Variants in NOS3 observed in about 807,000 individuals in gnomAD.
The protein encoded by NOS3 is nitric oxide synthase 3, also known as NOS type III.
NOS3 carries 98 observed loss-of-function variants against 144.9 expected under a neutral mutation model. That is an observed-to-expected ratio of 0.68 (90% confidence interval 0.57 to 0.80). NOS3 has a LOEUF of 0.80. Ranked by LOEUF, NOS3 falls within the 30% of genes least tolerant of loss-of-function variation. The probability of loss-of-function intolerance (pLI) is 0.00; values close to 1 mark genes in which losing one functional copy is unlikely to be tolerated. For missense variants in NOS3, 1,465 were observed against 1,656.4 expected (o/e 0.88, Z 2.01); for synonymous variants, 714 against 702.4 (o/e 1.02, Z -0.26).
chr7:151,006,523 G>C, intron 15 of NOS3, 29 bp downstream of exon 15: 5 of 1,582,136 alleles, frequency 3.2e-6, no homozygotes, highest in African/African-American at 1.3e-5. Context: ...TGGGGGAGCT[G>C]GGGGAGCTGA....
At chr7:151,000,177 G>T (rs991076632) in intron 9 of NOS3, among the ~76,000 whole-genome samples, 87 of 151,854 alleles carry the variant, frequency 5.7e-4, no homozygotes, top group African/African-American at 2.0e-3. Context: ...ACATGTAGTT[G>T]TTCTTTCAGG....
intron 21 of NOS3, 78 bp from the exon 22 acceptor site, chr7:151,010,519 C>T: frequency 7.3e-7 from 1 of 1,370,808 alleles, no homozygotes; most frequent in Non-Finnish European, 9.9e-7. Context: ...TAAAGAGGCT[C>T]AGTGGGGGAG....
In NOS3 at chr7:151,006,429, C is replaced by T. The variant is rs755029801; in HGVS notation, c.1755C>T (p.Ser585=). 3 of 1,613,592 alleles carry T rather than the reference C, an allele frequency of 1.9e-6. No homozygotes were observed. The highest frequency in any genetic ancestry group is 2.2e-5 in the East Asian group (1 of 44,894). ...GNGDPPENGE[S]FAAALMEMSG... is the part of the protein sequence containing the mutation. ...GATGCAAACACTCCCCTCGCCAGAGCTTTGCAGCTGCCCTGATGGAGATGT... is the reference window on the plus strand; with the variant it reads ...GATGCAAACACTCCCCTCGCCAGAGTTTTGCAGCTGCCCTGATGGAGATGT... The change falls in exon 15 of 27, where the codon AGC becomes AGT. Residue 585 remains serine, a splice_region_variant and synonymous_variant. Coordinates refer to ENST00000297494, the MANE Select transcript of NOS3 (RefSeq NM_000603.5).
rs1266365289 is a variant in NOS3 at position 151,000,558 on chromosome 7, G to A, written c.1192G>A (p.Ala398Thr). The A allele has an allele frequency of 1.9e-6, 3 of 1,613,646 alleles. No individual in the cohort carries two copies. The South Asian group carries it at 3.3e-5, about 18-fold the overall frequency. ...RTTSSLWKDKAAVEINVAVLH... is the reference protein window; with the variant it reads ...RTTSSLWKDKTAVEINVAVLH... ...CACCTCGTCCCTGTGGAAAGACAAG[G>A]CAGCAGTGGAAATCAACGTGGCCGT... Residue 398 changes from alanine to threonine, a missense_variant, in exon 10 of 27, where the codon GCA (alanine) becomes ACA (threonine). Around this residue, in one of 5 missense-constraint regions of NOS3, gnomAD observed 745 missense variants for 853.9 expected, o/e 0.87. Coordinates refer to ENST00000297494, the MANE Select transcript of NOS3 (RefSeq NM_000603.5).
chr7:150,995,123 A>T, intron 2 of NOS3, 80 bp from the exon 3 acceptor site: 1 of 755,008 alleles, frequency 1.3e-6, no homozygotes, highest in Non-Finnish European at 2.2e-6. Context: ...CAGTGCTGTA[A>T]CAGGGGCCTC....
intron 1 of NOS3, among the ~76,000 whole-genome samples, chr7:150,992,416 G>C (rs1802272375): frequency 6.6e-6 from 1 of 152,168 alleles, no homozygotes. Flanking sequence ...GGGGCCTCAG[G>C]CTTGGGGTCA....
intron 9 of NOS3, 43 bp from the exon 10 acceptor site, chr7:151,000,455 A>T (rs370319175): frequency 3.2e-6 from 4 of 1,249,778 alleles, no homozygotes; most frequent in Non-Finnish European, 4.7e-6. Context: ...CACCCCCGTG[A>T]TCACCTCTGT....
In NOS3 at chr7:151,014,179, G is replaced by A; in HGVS notation, c.*10G>A. 2 of 1,592,566 alleles carry A rather than the reference G, an allele frequency of 1.3e-6. No homozygotes were observed. Among genetic ancestry groups the A allele is most frequent in the South Asian group, 2.2e-5 (2 of 90,454 alleles). Reference sequence around the variant, plus strand: ...CACCAACAGCCCCTGAGAGCCGCCTGGCTTTCCCTTCCAGTTCCGGGAGAG... The same window carrying A: ...CACCAACAGCCCCTGAGAGCCGCCTAGCTTTCCCTTCCAGTTCCGGGAGAG... On this transcript the variant is annotated 3_prime_UTR_variant, in exon 27 of 27. Transcript: ENST00000297494.
intron 14 of NOS3, among the ~76,000 whole-genome samples, chr7:151,005,773 G>A (rs1489809669): frequency 6.6e-6 from 1 of 152,216 alleles, no homozygotes; most frequent in Non-Finnish European, 1.5e-5. Context: ...TAAAAAGACT[G>A]AGGTCATGTT....
chr7:151,009,048 T>C lies in NOS3; in HGVS notation c.2231T>C (p.Leu744Pro). ...CGGCTGAGCGCCCAGGCCGAGGGCCTGCAGTTGCTGCCAGGTGGGCCCTGC... is the reference window on the plus strand; with the variant it reads ...CGGCTGAGCGCCCAGGCCGAGGGCCCGCAGTTGCTGCCAGGTGGGCCCTGC... ...RYRLSAQAEGLQLLPGLIHVH... is the reference protein window; with the variant it reads ...RYRLSAQAEGPQLLPGLIHVH... The change falls in exon 18 of 27, where the codon CTG (leucine) becomes CCG (proline). Residue 744 changes from leucine to proline, a missense_variant. Transcript: ENST00000297494. 6.2e-7 allele frequency: 1 copy of C among 1,612,712 alleles called. No individual in the cohort carries two copies. Among genetic ancestry groups the C allele is most frequent in the Non-Finnish European group, 8.5e-7 (1 of 1,179,528 alleles).
intron 24 of NOS3, chr7:151,012,954 G>A (rs528809461): frequency 1.2e-5 from 6 of 499,248 alleles, no homozygotes; most frequent in African/African-American, 9.8e-5. Flanking sequence ...GTCACACAAT[G>A]CAAAGGGCAT....
At chr7:151,006,549 A>G in intron 15 of NOS3, 55 bp downstream of exon 15, 1 of 1,423,112 alleles carries the variant, frequency 7.0e-7, no homozygotes, top group Non-Finnish European at 9.8e-7. Context: ...TTGGAGACAC[A>G]AACAGAAAGG....
chr7:151,013,090 C>T (rs971482881), intron 24 of NOS3, 141 bp from the exon 25 acceptor site: 3 of 902,870 alleles, frequency 3.3e-6, no homozygotes, highest in Non-Finnish European at 5.1e-6. Context: ...TCTACACTCT[C>T]TTAGAGATGA....
chr7:151,006,853 C>A, intron 15 of NOS3, 36 bp from the exon 16 acceptor site: 1 of 1,526,500 alleles, frequency 6.6e-7, no homozygotes, highest in Non-Finnish European at 9.1e-7. Flanking sequence ...ATCCCCAGGG[C>A]CCTGTGACAA....
rs1318749375 is a variant in NOS3 at position 150,998,350 on chromosome 7, G to A, written c.583-7G>A. 3.1e-6 allele frequency: 5 copies of A among 1,610,726 alleles called. No individual in the cohort carries two copies. The highest frequency in any genetic ancestry group is 4.2e-6 in the Non-Finnish European group (5 of 1,179,300). On this transcript the variant is annotated splice_region_variant and splice_polypyrimidine_tract_variant and intron_variant, in intron 5 of 26. Coordinates refer to ENST00000297494, the MANE Select transcript of NOS3 (RefSeq NM_000603.5). The surrounding 1 kb of genome is among the most constrained non-coding windows in gnomAD (Gnocchi z 5.0). ...ACCCTCCTCTCCCGCTGCCTCGGCT[G>A]GCTCAGGTGTTCGATGCCCGGGACT...
chr7:151,006,463 T>C lies in NOS3; in HGVS notation c.1789T>C (p.Tyr597His). ...TGCCCTGATGGAGATGTCCGGCCCC[T>C]ACAACAGCTCCCCTCGGCCGGAACA... is the stretch of plus-strand genomic sequence containing the variant. ...AAALMEMSGP[Y>H]NSSPRPEQHK... Residue 597 changes from tyrosine (Y) to histidine (H), a missense_variant, in exon 15 of 27, where the codon TAC (tyrosine) becomes CAC (histidine). By Grantham distance (83) the Tyr-to-His change is moderately conservative. Coordinates refer to ENST00000297494, the MANE Select transcript of NOS3 (RefSeq NM_000603.5). 4.3e-6 allele frequency: 7 copies of C among 1,613,914 alleles called. No individual in the cohort carries two copies. Among genetic ancestry groups the C allele is most frequent in the Non-Finnish European group, 5.9e-6 (7 of 1,179,972 alleles).
At chr7:151,013,609 C>A in intron 25 of NOS3, 115 bp from the exon 26 acceptor site, 1 of 1,087,568 alleles carries the variant, frequency 9.2e-7, no homozygotes, top group Non-Finnish European at 1.3e-6. Flanking sequence ...CCAGGGCACG[C>A]AGGCCCCACC....
chr7:151,005,584 G>A (rs1380499223), intron 14 of NOS3, among the ~76,000 whole-genome samples: 2 of 152,218 alleles, frequency 1.3e-5, no homozygotes, highest in Admixed American at 6.5e-5. Flanking sequence ...CTCCCCTGCA[G>A]CTGCGAGGAC....
rs1477775798 is a variant in NOS3 at position 151,004,268 on chromosome 7, G to A, written c.1752+1964G>A. ...GGAGAATTGCTTGAACCTGGGAGGTGGAGGTTGCAGTGAGCCGAGATCACG... is the reference window on the plus strand; with the variant it reads ...GGAGAATTGCTTGAACCTGGGAGGTAGAGGTTGCAGTGAGCCGAGATCACG... On this transcript the variant is annotated intron_variant, in intron 14 of 26. Coordinates refer to ENST00000297494, the MANE Select transcript of NOS3 (RefSeq NM_000603.5). 4.6e-5 allele frequency among the ~76,000 whole-genome samples: 7 copies of A among 152,188 alleles called. No homozygotes were observed. In the East Asian group the frequency reaches 1.3e-3, roughly 29 times the overall value.
Sources: allele counts gnomAD v4.1 joint callset (sites outside exome capture counted in the v4.1 genomes callset), GRCh38; gene constraint gnomAD v4.1.1; regional missense constraint gnomAD v4.1.1; non-coding constraint Gnocchi (gnomAD v3.1); transcripts MANE v1.5; gene names NCBI Gene and HGNC (gene_info 2026-07-23, HGNC 2026-07-21).